Variants in MAPK8IP3 observed in about 807,000 individuals in gnomAD.
The protein encoded by MAPK8IP3 is C-Jun-amino-terminal kinase-interacting protein 3.
In MAPK8IP3, 49 loss-of-function variants were observed where a neutral mutation model predicts 157.8. The observed-to-expected ratio is 0.31, with a 90% CI of 0.25 to 0.39. The LOEUF is 0.39. Among genes scored for constraint, MAPK8IP3 ranks in the 10% least tolerant of loss-of-function variants. The pLI is 1.00. For synonymous variants in MAPK8IP3, 897 were observed against 777.7 expected (o/e 1.15, Z -2.55); for missense variants, 1,478 against 1,889.4 (o/e 0.78, Z 4.04).
intron 11 of MAPK8IP3, 134 bp downstream of exon 11, chr16:1,760,149 G>A (rs957621709): frequency 1.9e-6 from 2 of 1,060,158 alleles, no homozygotes; most frequent in African/African-American, 1.6e-5. Context: ...TCTCTGGCGG[G>A]AGGAACTTGG....
rs2042256679 is a variant in MAPK8IP3 at position 1,766,309 on chromosome 16, C to G, written c.2719C>G (p.Pro907Ala). The G allele has an allele frequency of 6.2e-7, 1 of 1,612,704 alleles. No individual in the cohort carries two copies. The highest frequency in any genetic ancestry group is 2.2e-5 in the East Asian group (1 of 44,874). Residue 907 changes from proline (P) to alanine (A), a missense_variant, in exon 22 of 32, where the codon CCC (proline) becomes GCC (alanine). Pro to Ala is a conservative substitution (Grantham distance 27, BLOSUM62 -1). This residue lies in a region of MAPK8IP3 where 669 missense variants were observed against 759.8 expected (regional missense o/e 0.88). Transcript: ENST00000610761. ...TEATEVPDPG[P>A]SEPETATLRP... ...GGCCACGGAGGTGCCAGACCCTGGG[C>G]CCAGCGAGCCAGAGACAGCCACATT...
intron 4 of MAPK8IP3, among the ~76,000 whole-genome samples, chr16:1,730,513 G>T (rs934144933): frequency 6.6e-6 from 1 of 152,070 alleles, no homozygotes. Context: ...GCCGAGGTGG[G>T]CAGATCACGA....
intron 5 of MAPK8IP3, chr16:1,744,526 G>A (rs2141851511): frequency 1.0e-6 from 1 of 985,588 alleles, no homozygotes; most frequent in Non-Finnish European, 1.2e-6. Context: ...TGGAGAGAGG[G>A]TGGCGGGGCT....
At chr16:1,747,576 C>A (rs1168819919) in intron 6 of MAPK8IP3, among the ~76,000 whole-genome samples, 1 of 152,210 alleles carries the variant, frequency 6.6e-6, no homozygotes, top group Non-Finnish European at 1.5e-5. Context: ...CACCACGTGA[C>A]CTCATTTTAC....
At chr16:1,739,059 T>A (rs2040377097) in intron 4 of MAPK8IP3, among the ~76,000 whole-genome samples, 1 of 132,044 alleles carries the variant, frequency 7.6e-6, no homozygotes, top group Admixed American at 7.7e-5. Context: ...TGTGAGCGTG[T>A]GAGCGTCCGT....
chr16:1,762,239 T>A lies in MAPK8IP3; in HGVS notation c.1540-112T>A. 4 of 1,374,424 alleles carry A rather than the reference T, an allele frequency of 2.9e-6. No individual in the cohort carries two copies. In the African/African-American group the frequency reaches 5.8e-5, roughly 20 times the overall value. 85.1% of individuals were successfully genotyped at this position (1,374,424 alleles called of 1,614,324 possible). The stretch of plus-strand genomic sequence containing the variant: ...CTCCACACCGCTTCTTGCCTGAGGA[T>A]CTGAAGGAAATTGGCACTGAGATCC... On this transcript the variant is annotated intron_variant, in intron 13 of 31. Transcript: ENST00000610761.
Position 1,747,960 on chromosome 16 carries a change from T to G in MAPK8IP3, c.995-284T>G, listed in dbSNP as rs959393015. On this transcript the variant is annotated intron_variant, in intron 6 of 31. Coordinates refer to ENST00000610761, the MANE Select transcript of MAPK8IP3 (RefSeq NM_001318852.2). The stretch of plus-strand genomic sequence containing the variant: ...GAGGGCCGAGAGGAGGTCCAGCCAC[T>G]GGCTTGCTTGGACGTGGGATCTCTG... Among the ~76,000 whole-genome samples, 36 of 152,236 alleles carry G rather than the reference T, an allele frequency of 2.4e-4. 1 individual carries two copies. The highest frequency in any genetic ancestry group is 1.2e-4 in the Non-Finnish European group (8 of 68,038).
rs540371240 is a variant in MAPK8IP3, at chr16:1,741,910, G to C, written c.603-1422G>C. On this transcript the variant is annotated intron_variant, in intron 4 of 31. Coordinates refer to ENST00000610761, the MANE Select transcript of MAPK8IP3 (RefSeq NM_001318852.2). This position sits in a 1 kb window ranked among gnomAD's most constrained non-coding sequence, Gnocchi z 6.9. ...CACCCCACAAAGAGACCCCTTCCCA[G>C]GGTCATTCTTCATAGCTCCCCACCC... Among the ~76,000 whole-genome samples the C allele has an allele frequency of 6.6e-6, 1 of 152,266 alleles. No homozygotes were observed. The highest frequency in any genetic ancestry group is 1.9e-4 in the East Asian group (1 of 5,176).
intron 9 of MAPK8IP3, among the ~76,000 whole-genome samples, 165 bp downstream of exon 9, chr16:1,758,324 C>T (rs1203803329): frequency 1.3e-5 from 2 of 152,218 alleles, no homozygotes; most frequent in Non-Finnish European, 2.9e-5. Context: ...GAAGCTTGTT[C>T]GGTTTGCTCC....
At chr16:1,757,670 C>T (rs2041688787) in intron 8 of MAPK8IP3, among the ~76,000 whole-genome samples, 1 of 152,196 alleles carries the variant, frequency 6.6e-6, no homozygotes, top group Non-Finnish European at 1.5e-5. Context: ...TCACCGAGGT[C>T]CTGCCCTACC....
At chr16:1,709,094 A>G (rs983418152) in intron 1 of MAPK8IP3, among the ~76,000 whole-genome samples, 17 of 152,338 alleles carry the variant, frequency 1.1e-4, no homozygotes, top group African/African-American at 4.1e-4. Context: ...AGGCTTAGTC[A>G]GAGATGGGTA....
intron 6 of MAPK8IP3, 48 bp from the exon 7 acceptor site, chr16:1,748,196 G>T: frequency 6.9e-7 from 1 of 1,445,238 alleles, no homozygotes; most frequent in South Asian, 1.1e-5. Context: ...CAGGGCAGAG[G>T]CTGCCAGACC....
chr16:1,766,881 G>A (rs1449415577), intron 24 of MAPK8IP3, 23 bp from the exon 25 acceptor site: 1 of 1,608,158 alleles, frequency 6.2e-7, no homozygotes, highest in African/African-American at 1.3e-5. Context: ...GCCCAAACCA[G>A]GCTCACCGCA....
chr16:1,757,339 T>C lies in MAPK8IP3; in HGVS notation c.1217-809T>C, dbSNP rs928591200. ...CAGGATGGTCTCAATCTCCTGACCTTGTGATCCGCCCGCCTCGGCCTCCTA... is the reference window on the plus strand; with the variant it reads ...CAGGATGGTCTCAATCTCCTGACCTCGTGATCCGCCCGCCTCGGCCTCCTA... On this transcript the variant is annotated intron_variant, in intron 8 of 31. Coordinates refer to ENST00000610761, the MANE Select transcript of MAPK8IP3 (RefSeq NM_001318852.2). Among the ~76,000 whole-genome samples the C allele has an allele frequency of 7.2e-5, 11 of 152,068 alleles. No homozygotes were observed. In the East Asian group the frequency reaches 1.9e-3, roughly 27 times the overall value.
intron 1 of MAPK8IP3, among the ~76,000 whole-genome samples, chr16:1,709,285 C>T (rs998170611): frequency 3.9e-5 from 6 of 152,186 alleles, no homozygotes; most frequent in Non-Finnish European, 5.9e-5. Context: ...TGGGGTCTCC[C>T]GAGAGACTGA....
At position 1,762,924 on chromosome 16, in the gene MAPK8IP3, A is replaced by C; in HGVS notation, c.1816A>C (p.Thr606Pro). Residue 606 changes from threonine to proline, a missense_variant, in exon 16 of 32, where the codon ACT becomes CCT. Thr to Pro is a conservative substitution (Grantham distance 38). Coordinates refer to ENST00000610761, the MANE Select transcript of MAPK8IP3 (RefSeq NM_001318852.2). Reference protein sequence around the residue: ...SVNIHYKSPTTAGFSQRRNHA... With the variant: ...SVNIHYKSPTPAGFSQRRNHA... ...GAACATCCACTACAAGTCACCCACC[A>C]CTGCCGGCTTCAGCCAGCGCCGCAA... is the stretch of plus-strand genomic sequence containing the variant. The C allele has an allele frequency of 6.2e-6, 10 of 1,612,754 alleles. No individual in the cohort carries two copies. Among genetic ancestry groups the C allele is most frequent in the Non-Finnish European group, 7.6e-6 (9 of 1,179,930 alleles).
chr16:1,750,971 A>C (rs891924742), intron 8 of MAPK8IP3, among the ~76,000 whole-genome samples: 1 of 152,096 alleles, frequency 6.6e-6, no homozygotes, highest in Non-Finnish European at 1.5e-5. Context: ...GGTGACACCT[A>C]CCAGACACCA....
intron 4 of MAPK8IP3, among the ~76,000 whole-genome samples, chr16:1,739,708 GTC>G (rs2040501736): frequency 7.6e-6 from 1 of 131,234 alleles, no homozygotes; most frequent in African/African-American, 2.9e-5. Flanking sequence ...CCGTGTGACC[GTC>G]CGTGTGAGCA....
rs1181312208 is a variant in MAPK8IP3, at chr16:1,742,519, G to T, written c.603-813G>T. ...GGCTGCAGCAGATGAGACGGGGTCA[G>T]TCCTTACTCTGGATGTGTCGTGTTC... On this transcript the variant is annotated intron_variant, in intron 4 of 31. Coordinates refer to ENST00000610761, the MANE Select transcript of MAPK8IP3 (RefSeq NM_001318852.2). The surrounding 1 kb of genome is among the most constrained non-coding windows in gnomAD (Gnocchi z 5.0). Among the ~76,000 whole-genome samples the T allele has an allele frequency of 6.6e-6, 1 of 152,236 alleles. No individual in the cohort carries two copies. Among genetic ancestry groups the T allele is most frequent in the Non-Finnish European group, 1.5e-5 (1 of 68,042 alleles).
Sources: gnomAD v4.1 joint callset for allele counts (sites outside exome capture counted in the v4.1 genomes callset) on GRCh38, gnomAD v4.1.1 for gene constraint, gnomAD v4.1.1 regional missense constraint, Gnocchi (gnomAD v3.1) non-coding constraint, MANE v1.5 for transcripts, NCBI Gene and HGNC (gene_info 2026-07-23, HGNC 2026-07-21) for gene names.